VANGL1: variants seen among roughly 807,000 people sequenced by gnomAD.
VANGL1 encodes the protein vang-like protein 1.
VANGL1 carries 18 observed loss-of-function variants against 48.4 expected under a neutral mutation model. That is an observed-to-expected ratio of 0.37 (90% CI 0.26 to 0.55). The LOEUF (loss-of-function observed/expected upper bound fraction) is 0.55. VANGL1 is among the 20% of genes least tolerant of loss of function. VANGL1 has a pLI of 0.81. For synonymous variants in VANGL1, 257 were observed against 261.8 expected (o/e 0.98, Z 0.18); for missense variants, 667 against 675.8 (o/e 0.99, Z 0.14).
Position 115,659,622 on chromosome 1 carries a change from G to A in VANGL1, c.72-19G>A. 1 of 1,613,692 alleles carries A rather than the reference G, an allele frequency of 6.2e-7. No homozygotes were observed. Among genetic ancestry groups the A allele is most frequent in the East Asian group, 2.2e-5 (1 of 44,846 alleles). On this transcript the variant is annotated intron_variant, in intron 2 of 7. Coordinates refer to ENST00000355485, the MANE Select transcript of VANGL1 (RefSeq NM_138959.3). ...TAATTAACATGGCATAAATGTGCTA[G>A]CTCATTGTTGTTTTTCAGGGAAAGA...
intron 4 of VANGL1, among the ~76,000 whole-genome samples, chr1:115,670,740 C>T (rs371982385): frequency 5.3e-5 from 8 of 152,276 alleles, no homozygotes; most frequent in African/African-American, 1.4e-4. Context: ...CATGTTCCTA[C>T]GATTGTGGGT....
At chr1:115,679,097 A>G (rs1653277663) in intron 4 of VANGL1, among the ~76,000 whole-genome samples, 1 of 152,196 alleles carries the variant, frequency 6.6e-6, no homozygotes, top group Non-Finnish European at 1.5e-5. Context: ...GCTGGGCATC[A>G]AACAGACCAT....
At chr1:115,686,554 T>C (rs976815053) in intron 7 of VANGL1, among the ~76,000 whole-genome samples, 1 of 152,120 alleles carries the variant, frequency 6.6e-6, no homozygotes, top group East Asian at 1.9e-4. Flanking sequence ...AAATGACTTC[T>C]CTACAGAGAA....
In VANGL1 at chr1:115,689,636, CA is replaced by C. The variant is rs555032797; in HGVS notation, c.1315-1471del. On this transcript the variant is annotated intron_variant, in intron 7 of 7. Transcript: ENST00000355485. ...GGGTAACAAGAGTGAAACTCTGCCT[CA>C]AAAAAAAAAAAGAGGATACTAGTTA... is the stretch of plus-strand genomic sequence containing the variant. 9.6e-4 allele frequency among the ~76,000 whole-genome samples: 112 copies of C among 116,926 alleles called. 4 individuals are homozygous for C. Among genetic ancestry groups the C allele is most frequent in the Admixed American group, 1.4e-3 (16 of 11,218 alleles). 76.7% of individuals were successfully genotyped at this position (116,926 alleles called of 152,430 possible).
rs1397996344 is a variant in VANGL1 at position 115,696,091 on chromosome 1, C to T, written c.*4712C>T. 2 of 152,440 alleles carry T rather than the reference C, an allele frequency of 1.3e-5. No individual in the cohort carries two copies. Among genetic ancestry groups the T allele is most frequent in the Non-Finnish European group, 2.9e-5 (2 of 68,218 alleles). The allele number at this position is 152,440 out of a possible 1,614,324, so 9.4% of individuals were successfully genotyped here. ...TAACACCTGCTGCAAGACAGGGATG[C>T]TGTTGTTCTGGCAGCCCCCCTTTGC... On this transcript the variant is annotated 3_prime_UTR_variant, in exon 8 of 8. Coordinates refer to ENST00000355485, the MANE Select transcript of VANGL1 (RefSeq NM_138959.3).
chr1:115,678,516 G>T (rs1653252368), intron 4 of VANGL1, among the ~76,000 whole-genome samples: 1 of 152,180 alleles, frequency 6.6e-6, no homozygotes, highest in African/African-American at 2.4e-5. Flanking sequence ...GGACAGAGTG[G>T]GGATAGATGG....
At chr1:115,661,176 G>T (rs1431013008) in intron 3 of VANGL1, among the ~76,000 whole-genome samples, 1 of 152,126 alleles carries the variant, frequency 6.6e-6, no homozygotes, top group Non-Finnish European at 1.5e-5. Flanking sequence ...GCCTTTGTAG[G>T]CCTCAATTTC....
intron 4 of VANGL1, chr1:115,671,053 A>G (rs1652955776): frequency 6.6e-6 from 1 of 152,312 alleles, no homozygotes; most frequent in Non-Finnish European, 1.5e-5. Context: ...GCCTCCTGCC[A>G]GCGGCTACAG....
intron 3 of VANGL1, among the ~76,000 whole-genome samples, chr1:115,660,163 T>C (rs1208274679): frequency 1.3e-5 from 2 of 152,180 alleles, no homozygotes; most frequent in Non-Finnish European, 2.9e-5. Flanking sequence ...CTACTAGAGC[T>C]ATGCAGGAAT....
At chr1:115,649,471 C>G (rs1472795982) in intron 1 of VANGL1, among the ~76,000 whole-genome samples, 1 of 152,206 alleles carries the variant, frequency 6.6e-6, no homozygotes, top group Admixed American at 6.5e-5. Flanking sequence ...AAGGCCGGCA[C>G]AGAGACTCTG....
Position 115,694,656 on chromosome 1 carries a change from A to T in VANGL1, c.*3277A>T, listed in dbSNP as rs917087585. On this transcript the variant is annotated 3_prime_UTR_variant, in exon 8 of 8. Coordinates refer to ENST00000355485, the MANE Select transcript of VANGL1 (RefSeq NM_138959.3). ...TACTGAGTGAGTGCTCCAGCCACTC[A>T]GTGAAACCAACAAAAGTGAGTCCTT... The T allele has an allele frequency of 2.0e-5, 3 of 152,244 alleles. No homozygotes were observed. The highest frequency in any genetic ancestry group is 7.2e-5 in the African/African-American group (3 of 41,472). 9.4% of individuals were successfully genotyped at this position (152,244 alleles called of 1,614,324 possible).
chr1:115,682,320 T>C (rs780373734), intron 4 of VANGL1, 44 bp from the exon 5 acceptor site: 6 of 1,611,840 alleles, frequency 3.7e-6, no homozygotes, highest in Non-Finnish European at 5.1e-6. Context: ...GACCTGCTTC[T>C]TCAGTGAAAA....
chr1:115,665,477 C>T (rs758819560), intron 4 of VANGL1, among the ~76,000 whole-genome samples: 2 of 152,214 alleles, frequency 1.3e-5, no homozygotes, highest in African/African-American at 2.4e-5. Flanking sequence ...TCAGAACAAT[C>T]GGCTTTGTCA....
chr1:115,697,155 TGATGGGACTTGG>T lies in VANGL1; in HGVS notation c.*5778_*5789del, dbSNP rs1331909224. On this transcript the variant is annotated 3_prime_UTR_variant, in exon 8 of 8. Coordinates refer to ENST00000355485, the MANE Select transcript of VANGL1 (RefSeq NM_138959.3). ...AGAGACTTGTTGCTCAGGGAGTTAG[TGATGGGACTTGG>T]GCATCTGATCTGCAGGTGACAAGTT... is the stretch of plus-strand genomic sequence containing the variant. The T allele has an allele frequency of 6.6e-6, 1 of 152,138 alleles. No individual in the cohort carries two copies. Among genetic ancestry groups the T allele is most frequent in the Non-Finnish European group, 1.5e-5 (1 of 68,030 alleles). 9.4% of individuals were successfully genotyped at this position (152,138 alleles called of 1,614,324 possible).
chr1:115,647,238 A>T (rs1468849260), intron 1 of VANGL1, among the ~76,000 whole-genome samples: 1 of 152,200 alleles, frequency 6.6e-6, no homozygotes, highest in African/African-American at 2.4e-5. Context: ...TCTAGGAGCC[A>T]TATTCCCACC....
chr1:115,663,542 T>C, intron 3 of VANGL1, 119 bp from the exon 4 acceptor site: 9 of 1,386,924 alleles, frequency 6.5e-6, no homozygotes, highest in Non-Finnish European at 9.0e-6. Flanking sequence ...AGCTTTCATT[T>C]TCTGGAAGCC....
At chr1:115,664,634 C>G (rs1443671409) in intron 4 of VANGL1, among the ~76,000 whole-genome samples, 1 of 152,154 alleles carries the variant, frequency 6.6e-6, no homozygotes, top group Admixed American at 6.5e-5. Flanking sequence ...CCATTTTGTC[C>G]CAAATGTGAC....
chr1:115,664,781 C>G (rs1402646623), intron 4 of VANGL1, among the ~76,000 whole-genome samples: 1 of 152,144 alleles, frequency 6.6e-6, no homozygotes, highest in Non-Finnish European at 1.5e-5. Context: ...GTTAGAGACT[C>G]CAAATGTGTA....
intron 7 of VANGL1, among the ~76,000 whole-genome samples, chr1:115,688,070 G>A (rs1221217803): frequency 7.3e-6 from 1 of 136,400 alleles, no homozygotes; most frequent in Non-Finnish European, 1.6e-5. Context: ...TTCATAGATA[G>A]AGATTTACAT....
Sources: gnomAD v4.1 joint callset for allele counts (sites outside exome capture counted in the v4.1 genomes callset) on GRCh38, gnomAD v4.1.1 for gene constraint, MANE v1.5 for transcripts, NCBI Gene and HGNC (gene_info 2026-07-23, HGNC 2026-07-21) for gene names.